Variants in LCLAT1 observed in about 807,000 individuals in gnomAD.
The protein encoded by LCLAT1 is lysocardiolipin acyltransferase 1.
A neutral mutation model predicts 30.7 loss-of-function variants in LCLAT1; 11 were observed. The observed-to-expected ratio is 0.36, with a 90% CI of 0.23 to 0.59. The LOEUF (loss-of-function observed/expected upper bound fraction) is 0.59. Among genes scored for constraint, LCLAT1 ranks in the 20% least tolerant of loss-of-function variants. LCLAT1 has a pLI of 0.77. For synonymous variants in LCLAT1, 155 were observed against 151.3 expected, an observed-to-expected ratio of 1.02 and a Z score of -0.18; for missense variants, 402 against 458.6, an observed-to-expected ratio of 0.88 and a Z score of 1.13.
At chr2:30,532,159 A>G (rs1346089127) in intron 2 of LCLAT1, among the ~76,000 whole-genome samples, 1 of 152,128 alleles carries the variant, frequency 6.6e-6, no homozygotes, top group Non-Finnish European at 1.5e-5. Context: ...TTTCAAAATT[A>G]TGCTTCTGTG....
intron 5 of LCLAT1, among the ~76,000 whole-genome samples, chr2:30,634,586 A>G (rs1259780428): frequency 6.6e-6 from 1 of 152,230 alleles, no homozygotes; most frequent in Non-Finnish European, 1.5e-5. Context: ...CGACAAGCGC[A>G]AAACTCCATC....
intron 5 of LCLAT1, among the ~76,000 whole-genome samples, chr2:30,597,772 C>G (rs1035795319): frequency 9.9e-5 from 15 of 152,112 alleles, no homozygotes; most frequent in Admixed American, 8.5e-4. Context: ...GTAATCCTGG[C>G]TGTGAGTTTG....
intron 5 of LCLAT1, among the ~76,000 whole-genome samples, chr2:30,594,560 T>G (rs1054277070): frequency 6.6e-6 from 1 of 152,194 alleles, no homozygotes; most frequent in Admixed American, 6.5e-5. Flanking sequence ...TTCCTTTAAT[T>G]GTGTGTATGT....
intron 1 of LCLAT1, among the ~76,000 whole-genome samples, chr2:30,493,375 A>G (rs1022505820): frequency 2.0e-5 from 3 of 152,232 alleles, no homozygotes; most frequent in Non-Finnish European, 4.4e-5. Flanking sequence ...TTTCATGAGA[A>G]TGTACATAAA....
chr2:30,590,594 G>A (rs761873078), intron 5 of LCLAT1, among the ~76,000 whole-genome samples: 64 of 150,108 alleles, frequency 4.3e-4, no homozygotes, highest in Admixed American at 2.6e-3. Context: ...CAGGGAGGAC[G>A]GAAATGAAGA....
intron 3 of LCLAT1, among the ~76,000 whole-genome samples, chr2:30,556,246 T>C (rs948294949): frequency 2.6e-5 from 4 of 152,220 alleles, no homozygotes; most frequent in Admixed American, 1.3e-4. Flanking sequence ...CAATAAAACC[T>C]TATTTATAAA....
intron 5 of LCLAT1, among the ~76,000 whole-genome samples, chr2:30,575,673 C>A (rs1558530496): frequency 6.6e-6 from 1 of 151,916 alleles, no homozygotes; most frequent in Non-Finnish European, 1.5e-5. Context: ...ATGTATACTA[C>A]TGGAAGAGAA....
intron 1 of LCLAT1, among the ~76,000 whole-genome samples, chr2:30,462,709 G>A (rs1259755900): frequency 3.3e-5 from 5 of 152,098 alleles, no homozygotes; most frequent in Non-Finnish European, 7.4e-5. Context: ...AATCTATTTC[G>A]GGGCTAGCCT....
chr2:30,560,452 G>C (rs931465519), intron 3 of LCLAT1, among the ~76,000 whole-genome samples: 5 of 151,884 alleles, frequency 3.3e-5, no homozygotes, highest in African/African-American at 1.2e-4. Context: ...AGTTCTCCCC[G>C]CTCAGCCTCC....
intron 5 of LCLAT1, among the ~76,000 whole-genome samples, chr2:30,634,463 T>C (rs1385363570): frequency 1.3e-5 from 2 of 152,080 alleles, no homozygotes; most frequent in East Asian, 3.9e-4. Flanking sequence ...CCATCTCTAC[T>C]AAAAATACAA....
chr2:30,628,454 C>G (rs932226056), intron 5 of LCLAT1, among the ~76,000 whole-genome samples: 1 of 152,114 alleles, frequency 6.6e-6, no homozygotes, highest in African/African-American at 2.4e-5. Flanking sequence ...GTTTGTATTG[C>G]AAAACAGTTG....
chr2:30,631,400 C>T (rs1008298540), intron 5 of LCLAT1, among the ~76,000 whole-genome samples: 5 of 152,148 alleles, frequency 3.3e-5, no homozygotes, highest in Non-Finnish European at 7.3e-5. Context: ...AGGTCAGTAT[C>T]CTAAAGGCTA....
chr2:30,634,050 T>TA (rs1572723798), intron 5 of LCLAT1, among the ~76,000 whole-genome samples: 1 of 152,366 alleles, frequency 6.6e-6, no homozygotes, highest in East Asian at 1.9e-4. Flanking sequence ...AAAATTCAGT[T>TA]ATAGCCTGTA....
chr2:30,462,462 G>T (rs188917129), intron 1 of LCLAT1, among the ~76,000 whole-genome samples: 38 of 152,314 alleles, frequency 2.5e-4, no homozygotes, highest in African/African-American at 8.7e-4. Flanking sequence ...TGAAGAGATG[G>T]TAGGATTTTG....
rs190876472 is a variant in LCLAT1, at chr2:30,570,818, C to T, written c.628+2642C>T. Reference sequence around the variant, plus strand: ...GTGGTTGTGATGCTGCCTGAGATAACGGGGGAGCAGAGCAGGAAGAGGCTA... The same window carrying T: ...GTGGTTGTGATGCTGCCTGAGATAATGGGGGAGCAGAGCAGGAAGAGGCTA... On this transcript the variant is annotated intron_variant, in intron 5 of 5. Transcript: ENST00000379509. Among the ~76,000 whole-genome samples, 451 of 152,150 alleles carry T rather than the reference C, an allele frequency of 3.0e-3. 2 individuals are homozygous for T. Among genetic ancestry groups the T allele is most frequent in the African/African-American group, 0.011 (438 of 41,490 alleles).
At chr2:30,488,129 T>C (rs369632459) in intron 1 of LCLAT1, among the ~76,000 whole-genome samples, 2 of 152,368 alleles carry the variant, frequency 1.3e-5, no homozygotes, top group Non-Finnish European at 2.9e-5. Flanking sequence ...AACCCTGTTT[T>C]CCTTACTGCT....
At chr2:30,590,845 A>G (rs1437104204) in intron 5 of LCLAT1, among the ~76,000 whole-genome samples, 2 of 152,092 alleles carry the variant, frequency 1.3e-5, no homozygotes, top group Non-Finnish European at 1.5e-5. Context: ...TAAAATAAAT[A>G]CTAAGTACTA....
intron 1 of LCLAT1, among the ~76,000 whole-genome samples, chr2:30,454,651 G>A (rs1387915634): frequency 1.3e-5 from 2 of 149,024 alleles, no homozygotes; most frequent in African/African-American, 5.0e-5. Context: ...ATATTGTTGT[G>A]TTGCCTGGGC....
At chr2:30,569,113 A>G (rs1665655210) in intron 5 of LCLAT1, among the ~76,000 whole-genome samples, 1 of 152,116 alleles carries the variant, frequency 6.6e-6, no homozygotes, top group Non-Finnish European at 1.5e-5. Context: ...CGGTAAGTAC[A>G]TTTTCACAGG....
Sources: allele counts gnomAD v4.1 joint callset (sites outside exome capture counted in the v4.1 genomes callset), GRCh38; gene constraint gnomAD v4.1.1; transcripts MANE v1.5; gene names NCBI Gene and HGNC (gene_info 2026-07-23, HGNC 2026-07-21).